The following PRKG1 variants were observed in gnomAD, a reference collection of about 807,000 sequenced individuals.
PRKG1 encodes the protein protein kinase cGMP-dependent 1, also known as cGMP-dependent protein kinase 1.
PRKG1 carries 35 observed loss-of-function variants against 88.1 expected under a neutral mutation model. That is an observed-to-expected ratio of 0.40 (90% CI 0.30 to 0.53). PRKG1 has a LOEUF of 0.53. Among genes scored for constraint, PRKG1 ranks in the 20% least tolerant of loss-of-function variants. The probability of loss-of-function intolerance (pLI) is 0.59; values close to 1 mark genes in which losing one functional copy is unlikely to be tolerated. For missense variants in PRKG1, 540 were observed against 839.8 expected, an observed-to-expected ratio of 0.64 and a Z score of 4.41; for synonymous variants, 303 against 292.5, an observed-to-expected ratio of 1.04 and a Z score of -0.37.
At chr10:52,074,012 A>T (rs1846569040) in intron 7 of PRKG1, among the ~76,000 whole-genome samples, 1 of 148,880 alleles carries the variant, frequency 6.7e-6, no homozygotes, top group Non-Finnish European at 1.5e-5. Flanking sequence ...TGAAACATAC[A>T]GTTAGTTGTA....
At chr10:51,081,727 A>G (rs551544594) in intron 1 of PRKG1, among the ~76,000 whole-genome samples, 1 of 152,292 alleles carries the variant, frequency 6.6e-6, no homozygotes, top group Admixed American at 6.5e-5. Flanking sequence ...CCTGTGCTTT[A>G]TATAGATTGT....
At chr10:51,159,851 G>T (rs1461653901) in intron 2 of PRKG1, among the ~76,000 whole-genome samples, 4 of 152,172 alleles carry the variant, frequency 2.6e-5, no homozygotes, top group Non-Finnish European at 5.9e-5. Flanking sequence ...CATAAATCTA[G>T]ATGGCCAAAG....
intron 3 of PRKG1, among the ~76,000 whole-genome samples, chr10:51,575,278 G>A (rs986348917): frequency 2.6e-5 from 4 of 151,852 alleles, no homozygotes; most frequent in African/African-American, 9.7e-5. Flanking sequence ...TAAGAAGTTG[G>A]CCTTTTGGTT....
chr10:51,425,399 G>A (rs1044079090), intron 2 of PRKG1, among the ~76,000 whole-genome samples: 1 of 152,112 alleles, frequency 6.6e-6, no homozygotes, highest in Non-Finnish European at 1.5e-5. Flanking sequence ...CTGCTACTTT[G>A]TATTTTTGCA....
chr10:52,232,870 G>C (rs1020860949), intron 9 of PRKG1, among the ~76,000 whole-genome samples: 1 of 152,120 alleles, frequency 6.6e-6, no homozygotes, highest in African/African-American at 2.4e-5. Flanking sequence ...TCAAAGAAAG[G>C]TTTTCTGTCC....
At chr10:51,133,514 G>A (rs559037332) in intron 1 of PRKG1, among the ~76,000 whole-genome samples, 4 of 152,246 alleles carry the variant, frequency 2.6e-5, no homozygotes, top group East Asian at 3.9e-4. Flanking sequence ...TGGAATCATG[G>A]ACAAACATTG....
At chr10:51,771,696 T>C (rs1252233013) in intron 3 of PRKG1, among the ~76,000 whole-genome samples, 2 of 152,150 alleles carry the variant, frequency 1.3e-5, no homozygotes, top group East Asian at 3.8e-4. Context: ...AATGGGTGTA[T>C]AGGGCAGTAA....
At chr10:51,655,114 C>A (rs772873984) in intron 3 of PRKG1, among the ~76,000 whole-genome samples, 3 of 152,126 alleles carry the variant, frequency 2.0e-5, no homozygotes, top group Non-Finnish European at 2.9e-5. Context: ...AAGTCCTGGG[C>A]CACATGCCCA....
chr10:51,867,265 A>G (rs761465433), intron 4 of PRKG1, among the ~76,000 whole-genome samples: 1 of 152,186 alleles, frequency 6.6e-6, no homozygotes, highest in South Asian at 2.1e-4. Context: ...AGAGGGAAGT[A>G]GCGGAATAGT....
chr10:52,286,858 C>T (rs1589760309), intron 14 of PRKG1, among the ~76,000 whole-genome samples: 1 of 151,866 alleles, frequency 6.6e-6, no homozygotes, highest in Non-Finnish European at 1.5e-5. Flanking sequence ...AAATCGAATA[C>T]TTCTAAATTT....
At chr10:51,451,271 C>T (rs1177413313) in intron 2 of PRKG1, among the ~76,000 whole-genome samples, 1 of 102,272 alleles carries the variant, frequency 9.8e-6, no homozygotes, top group Non-Finnish European at 2.0e-5. Flanking sequence ...AATTGTCATA[C>T]AGTAAGTAAA....
intron 2 of PRKG1, among the ~76,000 whole-genome samples, chr10:51,463,191 G>A (rs1839790564): frequency 6.6e-6 from 1 of 151,978 alleles, no homozygotes; most frequent in African/African-American, 2.4e-5. Context: ...GCTAATGAAT[G>A]TCTTCTGTTT....
chr10:51,934,013 G>T (rs1169688945), intron 5 of PRKG1, among the ~76,000 whole-genome samples: 1 of 152,028 alleles, frequency 6.6e-6, no homozygotes, highest in Non-Finnish European at 1.5e-5. Context: ...GATTATTTAT[G>T]TGTATAAATA....
chr10:51,738,711 T>A (rs1837355424), intron 3 of PRKG1, among the ~76,000 whole-genome samples: 1 of 152,180 alleles, frequency 6.6e-6, no homozygotes, highest in Admixed American at 6.5e-5. Context: ...AATCATAGCA[T>A]CTCTGGGACT....
intron 9 of PRKG1, among the ~76,000 whole-genome samples, chr10:52,226,414 A>T (rs1196361635): frequency 6.6e-6 from 1 of 152,160 alleles, no homozygotes; most frequent in Non-Finnish European, 1.5e-5. Flanking sequence ...TCACAGCAGG[A>T]TTATTCTGTT....
At chr10:51,229,292 T>C (rs901915167) in intron 2 of PRKG1, among the ~76,000 whole-genome samples, 2 of 152,130 alleles carry the variant, frequency 1.3e-5, no homozygotes, top group African/African-American at 4.8e-5. Context: ...AGTGAATAAA[T>C]GATATATTTA....
At chr10:51,254,106 C>T (rs1284839915) in intron 2 of PRKG1, among the ~76,000 whole-genome samples, 1 of 151,934 alleles carries the variant, frequency 6.6e-6, no homozygotes. Context: ...CATACACACA[C>T]ACTATATTCA....
At chr10:52,244,821 T>TA (rs71032633) in intron 9 of PRKG1, among the ~76,000 whole-genome samples, 4,718 of 120,320 alleles carry the variant, frequency 0.039, 495 homozygotes, top group East Asian at 0.38. Flanking sequence ...TTTAAATATA[T>TA]TTAAATATAC....
At chr10:52,125,979 G>C (rs12268930) in intron 7 of PRKG1, 49,429 of 152,028 alleles carry the variant, frequency 0.33, 8,310 homozygotes, top group African/African-American at 0.4. Flanking sequence ...ACACACTGGA[G>C]AAAGGTAAGA....
Sources: allele counts gnomAD v4.1 joint callset (sites outside exome capture counted in the v4.1 genomes callset), GRCh38; gene constraint gnomAD v4.1.1; transcripts MANE v1.5; gene names NCBI Gene and HGNC (gene_info 2026-07-23, HGNC 2026-07-21).